Variants in CSMD1 observed in about 807,000 individuals in gnomAD.
The protein encoded by CSMD1 is CUB and Sushi multiple domains 1, also known as CUB and sushi domain-containing protein 1.
Under a neutral mutation model 417.5 loss-of-function variants are expected in CSMD1, and 213 were observed. The observed-to-expected ratio is 0.51, with a 90% confidence interval of 0.46 to 0.57. The LOEUF is 0.57. Ranked by LOEUF, CSMD1 falls within the 20% of genes least tolerant of loss-of-function variation. CSMD1 has a pLI of 0.00. For synonymous variants in CSMD1, 2,862 were observed against 1,736.8 expected, an observed-to-expected ratio of 1.65 and a Z score of -16.11; for missense variants, 6,923 against 4,529.7, an observed-to-expected ratio of 1.53 and a Z score of -15.17.
At chr8:4,612,191 C>G (rs1801213862) in intron 2 of CSMD1, among the ~76,000 whole-genome samples, 1 of 152,092 alleles carries the variant, frequency 6.6e-6, no homozygotes, top group Admixed American at 6.6e-5. Flanking sequence ...CTAAAAAAAA[C>G]TGGCTGCAGG....
intron 5 of CSMD1, among the ~76,000 whole-genome samples, chr8:3,937,874 G>A (rs1810614417): frequency 6.6e-6 from 1 of 152,006 alleles, no homozygotes; most frequent in African/African-American, 2.4e-5. Context: ...TCGAATTACT[G>A]CATACACAAG....
chr8:4,096,180 C>G (rs1800998783), intron 3 of CSMD1, among the ~76,000 whole-genome samples: 1 of 152,078 alleles, frequency 6.6e-6, no homozygotes, highest in Non-Finnish European at 1.5e-5. Flanking sequence ...CAGTTTTTCT[C>G]TTCAAAATGG....
chr8:3,982,974 A>T (rs989276817), intron 5 of CSMD1, among the ~76,000 whole-genome samples: 2 of 152,004 alleles, frequency 1.3e-5, no homozygotes, highest in Non-Finnish European at 2.9e-5. Flanking sequence ...CAAACAAACG[A>T]CAAATAGGGC....
rs1348416683 is a variant in CSMD1, at chr8:3,219,238, T to A, written c.4672+17A>T. On this transcript the variant is annotated intron_variant, in intron 29 of 69. Transcript: ENST00000635120. ...GATACAAATTAATTCCCACTCAAAT[T>A]CAGGCAATCGCAATACCTTTAAATT... The A allele has an allele frequency of 1.9e-6, 3 of 1,570,802 alleles. No homozygotes were observed. The highest frequency in any genetic ancestry group is 3.8e-4 in the Middle Eastern group (2 of 5,284).
intron 26 of CSMD1, among the ~76,000 whole-genome samples, chr8:3,283,497 G>T (rs1011553314): frequency 6.6e-6 from 1 of 151,592 alleles, no homozygotes; most frequent in African/African-American, 2.4e-5. Flanking sequence ...ATAATGAAAA[G>T]AATTCCCTAA....
In CSMD1 at chr8:3,959,791, G is replaced by C. The variant is rs920909487; in HGVS notation, c.818+38112C>G. Among the ~76,000 whole-genome samples the C allele has an allele frequency of 2.0e-4, 30 of 152,240 alleles. 1 individual carries two copies. Among genetic ancestry groups the C allele is most frequent in the Non-Finnish European group, 3.2e-4 (22 of 68,010 alleles). ...AGTTTTGTGATTGGAATAGCTGCAG[G>C]TACTCTGACCTGTTAGCACCTTCTG... On this transcript the variant is annotated intron_variant, in intron 5 of 69. Coordinates refer to ENST00000635120, the MANE Select transcript of CSMD1 (RefSeq NM_033225.6).
chr8:3,697,172 T>C (rs1467784950), intron 7 of CSMD1, among the ~76,000 whole-genome samples: 1 of 152,190 alleles, frequency 6.6e-6, no homozygotes, highest in Non-Finnish European at 1.5e-5. Context: ...AAACTTTTCA[T>C]TCAGTGAGGC....
chr8:3,881,059 C>A (rs1806171443), intron 5 of CSMD1, among the ~76,000 whole-genome samples: 1 of 151,866 alleles, frequency 6.6e-6, no homozygotes, highest in Non-Finnish European at 1.5e-5. Flanking sequence ...TGAGTGAATT[C>A]AAAAAATTAT....
chr8:4,232,762 T>G (rs754097915), intron 3 of CSMD1, among the ~76,000 whole-genome samples: 2 of 152,246 alleles, frequency 1.3e-5, no homozygotes, highest in Non-Finnish European at 2.9e-5. Context: ...GCTATCTGGT[T>G]AAAACCCTAA....
chr8:4,904,277 C>A (rs1032687732), intron 1 of CSMD1, among the ~76,000 whole-genome samples: 1 of 152,102 alleles, frequency 6.6e-6, no homozygotes, highest in Non-Finnish European at 1.5e-5. Context: ...ATTTTAGGAA[C>A]AATGAAAGTA....
intron 3 of CSMD1, among the ~76,000 whole-genome samples, chr8:4,322,720 G>C (rs964266794): frequency 1.3e-5 from 2 of 152,300 alleles, no homozygotes; most frequent in African/African-American, 4.8e-5. Context: ...TAGGGGCCAG[G>C]CACGGGGCTC....
At chr8:4,356,809 G>A (rs1025619510) in intron 3 of CSMD1, among the ~76,000 whole-genome samples, 9 of 152,142 alleles carry the variant, frequency 5.9e-5, no homozygotes, top group African/African-American at 1.9e-4. Flanking sequence ...GCCCCTGACC[G>A]ACTTGACAAT....
intron 2 of CSMD1, among the ~76,000 whole-genome samples, chr8:4,515,795 G>C (rs1803084538): frequency 6.6e-6 from 1 of 152,172 alleles, no homozygotes; most frequent in Non-Finnish European, 1.5e-5. Flanking sequence ...AAGACGGCCT[G>C]TGTGCACTGA....
intron 3 of CSMD1, among the ~76,000 whole-genome samples, chr8:4,359,631 G>C (rs1012398558): frequency 1.5e-4 from 23 of 152,184 alleles, no homozygotes; most frequent in African/African-American, 5.5e-4. Context: ...ACCTGTGTTT[G>C]AGTCATGCTC....
intron 7 of CSMD1, among the ~76,000 whole-genome samples, chr8:3,693,900 T>C (rs1800394145): frequency 6.6e-6 from 1 of 151,370 alleles, no homozygotes; most frequent in African/African-American, 2.4e-5. Context: ...AGATGTGTGT[T>C]GGCGTCTTGT....
intron 37 of CSMD1, among the ~76,000 whole-genome samples, chr8:3,176,479 T>C (rs1300505093): frequency 6.6e-6 from 1 of 152,128 alleles, no homozygotes; most frequent in African/African-American, 2.4e-5. Context: ...AGTATTGGTA[T>C]AACTATCTTT....
intron 3 of CSMD1, among the ~76,000 whole-genome samples, chr8:4,205,574 G>C (rs991558408): frequency 7.2e-5 from 11 of 152,196 alleles, no homozygotes; most frequent in African/African-American, 2.2e-4. Flanking sequence ...AAGTGACACA[G>C]CATATAAATG....
chr8:3,771,328 C>A (rs985271037), intron 5 of CSMD1, among the ~76,000 whole-genome samples: 1 of 152,118 alleles, frequency 6.6e-6, no homozygotes, highest in African/African-American at 2.4e-5. Context: ...TCAGGGATAA[C>A]AGACAAAGAA....
At chr8:3,205,215 A>G (rs1305269920) in intron 31 of CSMD1, among the ~76,000 whole-genome samples, 1 of 152,204 alleles carries the variant, frequency 6.6e-6, no homozygotes, top group Non-Finnish European at 1.5e-5. Context: ...AAAACAACCA[A>G]CTGAAAGAAC....
Sources: gnomAD v4.1 joint callset for allele counts (sites outside exome capture counted in the v4.1 genomes callset) on GRCh38, gnomAD v4.1.1 for gene constraint, MANE v1.5 for transcripts, NCBI Gene and HGNC (gene_info 2026-07-23, HGNC 2026-07-21) for gene names.